ZNF385D: variants seen among roughly 807,000 people sequenced by gnomAD.
ZNF385D encodes the protein zinc finger protein 659.
Under a neutral mutation model 35.8 loss-of-function variants are expected in ZNF385D, and 15 were observed. The ratio of observed to expected loss-of-function variants is 0.42; its 90% CI spans 0.28 to 0.64. The LOEUF (loss-of-function observed/expected upper bound fraction) is 0.64, where lower values mean the gene tolerates loss of function less well. ZNF385D is among the 30% of genes least tolerant of loss of function. The probability of loss-of-function intolerance (pLI) is 0.23; values close to 1 mark genes in which losing one functional copy is unlikely to be tolerated. For missense variants in ZNF385D, 474 were observed against 494.6 expected, an observed-to-expected ratio of 0.96 and a Z score of 0.39; for synonymous variants, 212 against 186.8, an observed-to-expected ratio of 1.13 and a Z score of -1.10.
chr3:21,920,014 C>G (rs898655601), intron 3 of ZNF385D, among the ~76,000 whole-genome samples: 3 of 152,164 alleles, frequency 2.0e-5, no homozygotes, highest in Admixed American at 1.3e-4. Flanking sequence ...GCATTGAAAT[C>G]ATTTCCAGGG....
In ZNF385D at chr3:22,045,358, A is replaced by G. The variant is rs572052504; in HGVS notation, c.325+123459T>C. On this transcript the variant is annotated intron_variant, in intron 3 of 5. Transcript: ENST00000494108. ...AATAAAAGCATGGAAATATTCCAGT[A>G]AAGAGCTAAAGGAGAGGGGCTCTTG... Among the ~76,000 whole-genome samples the G allele has an allele frequency of 1.5e-3, 227 of 152,278 alleles. 1 individual carries two copies. The highest frequency in any genetic ancestry group is 4.9e-3 in the African/African-American group (202 of 41,562).
chr3:22,144,870 A>G (rs1057278756), intron 3 of ZNF385D, among the ~76,000 whole-genome samples: 9 of 152,302 alleles, frequency 5.9e-5, no homozygotes, highest in South Asian at 2.1e-4. Context: ...CTTTATCACA[A>G]CTTTGGTTCA....
intron 3 of ZNF385D, chr3:21,961,567 C>T (rs1702594611): frequency 6.6e-6 from 1 of 152,052 alleles, no homozygotes; most frequent in Non-Finnish European, 1.5e-5. Context: ...ATTTATTTCA[C>T]ATTTTAATTT....
At chr3:21,989,692 A>G (rs1160128152) in intron 3 of ZNF385D, among the ~76,000 whole-genome samples, 1 of 152,102 alleles carries the variant, frequency 6.6e-6, no homozygotes, top group Non-Finnish European at 1.5e-5. Context: ...AAAAAAAAGG[A>G]CAGCCAAACC....
At chr3:21,823,450 C>T (rs1694404367) in intron 3 of ZNF385D, among the ~76,000 whole-genome samples, 1 of 152,042 alleles carries the variant, frequency 6.6e-6, no homozygotes, top group Non-Finnish European at 1.5e-5. Flanking sequence ...CACACACACA[C>T]ATGCACATAC....
intron 2 of ZNF385D, among the ~76,000 whole-genome samples, chr3:22,301,935 G>T (rs547666250): frequency 6.6e-6 from 1 of 152,118 alleles, no homozygotes; most frequent in South Asian, 2.1e-4. Context: ...ACCGATGCAT[G>T]TATTTCTTCT....
chr3:21,948,033 T>C (rs995746737), intron 3 of ZNF385D, among the ~76,000 whole-genome samples: 2 of 152,160 alleles, frequency 1.3e-5, no homozygotes, highest in East Asian at 3.8e-4. Flanking sequence ...TTAATTTTCA[T>C]ATAAATTTAT....
chr3:21,447,545 T>A (rs1362519649), intron 4 of ZNF385D, among the ~76,000 whole-genome samples: 1 of 152,224 alleles, frequency 6.6e-6, no homozygotes, highest in African/African-American at 2.4e-5. Context: ...CTTTGGTAGT[T>A]CATCTGTTTA....
intron 3 of ZNF385D, among the ~76,000 whole-genome samples, chr3:21,517,230 G>A (rs373991759): frequency 2.6e-5 from 4 of 152,150 alleles, no homozygotes; most frequent in South Asian, 2.1e-4. Context: ...GTAGACTGAG[G>A]GGATAAAGTA....
intron 4 of ZNF385D, among the ~76,000 whole-genome samples, chr3:21,450,001 G>C (rs1270299034): frequency 6.6e-6 from 1 of 152,218 alleles, no homozygotes; most frequent in African/African-American, 2.4e-5. Flanking sequence ...GAGCCAGAAG[G>C]CAAGCTGGGT....
chr3:21,867,465 G>T (rs1697430989), intron 3 of ZNF385D, among the ~76,000 whole-genome samples: 1 of 152,106 alleles, frequency 6.6e-6, no homozygotes, highest in Non-Finnish European at 1.5e-5. Flanking sequence ...TTAGGAGTCT[G>T]TATTTCAAAG....
At chr3:22,241,151 T>C (rs1014351406) in intron 2 of ZNF385D, among the ~76,000 whole-genome samples, 1 of 151,182 alleles carries the variant, frequency 6.6e-6, no homozygotes, top group South Asian at 2.2e-4. Flanking sequence ...CTAAGAAACC[T>C]TAACTAGCCC....
intron 2 of ZNF385D, among the ~76,000 whole-genome samples, chr3:22,201,923 T>A (rs1696823994): frequency 6.6e-6 from 1 of 151,812 alleles, no homozygotes; most frequent in African/African-American, 2.4e-5. Flanking sequence ...TACAAAAATA[T>A]CCCAAGCAAA....
intron 3 of ZNF385D, among the ~76,000 whole-genome samples, chr3:21,880,580 C>T (rs752003499): frequency 5.9e-5 from 9 of 151,944 alleles, no homozygotes; most frequent in Admixed American, 2.6e-4. Flanking sequence ...CCTCCCTATC[C>T]CCTGAGACAA....
At chr3:21,795,206 A>G (rs2072095696) in intron 3 of ZNF385D, among the ~76,000 whole-genome samples, 1 of 152,224 alleles carries the variant, frequency 6.6e-6, no homozygotes, top group Non-Finnish European at 1.5e-5. Context: ...ACCCAGTGTG[A>G]ATGGAAAAGC....
chr3:21,700,733 T>C (rs1218653247), intron 1 of ZNF385D, among the ~76,000 whole-genome samples: 2 of 152,216 alleles, frequency 1.3e-5, no homozygotes, highest in African/African-American at 4.8e-5. Context: ...GTTATTTAAA[T>C]TGTATAATGC....
chr3:21,530,976 G>GA (rs1021389584), intron 3 of ZNF385D, among the ~76,000 whole-genome samples: 2 of 150,194 alleles, frequency 1.3e-5, no homozygotes, highest in South Asian at 2.1e-4. Context: ...GAAACCAAAA[G>GA]AAAAAAAAAT....
chr3:21,422,631 C>T (rs1359864645), intron 7 of ZNF385D, among the ~76,000 whole-genome samples: 1 of 152,194 alleles, frequency 6.6e-6, no homozygotes, highest in Non-Finnish European at 1.5e-5. Context: ...CATCAAAAAG[C>T]TTATCCACCA....
At chr3:21,544,882 G>A (rs898544036) in intron 3 of ZNF385D, among the ~76,000 whole-genome samples, 2 of 152,138 alleles carry the variant, frequency 1.3e-5, no homozygotes, top group African/African-American at 2.4e-5. Context: ...CTGGCACCTG[G>A]CTTTGCGAAT....
Sources: allele counts gnomAD v4.1 joint callset (sites outside exome capture counted in the v4.1 genomes callset), GRCh38; gene constraint gnomAD v4.1.1; transcripts MANE v1.5; gene names NCBI Gene and HGNC (gene_info 2026-07-23, HGNC 2026-07-21).